Variants in TTLL4 observed in about 807,000 individuals in gnomAD.
TTLL4 encodes tubulin monoglutamylase TTLL4.
TTLL4 carries 85 observed loss-of-function variants against 122.7 expected under a neutral mutation model. The ratio of observed to expected loss-of-function variants is 0.69; its 90% CI spans 0.58 to 0.83. The LOEUF is 0.83. Ranked by LOEUF, TTLL4 falls within the 40% of genes least tolerant of loss-of-function variation. The probability of loss-of-function intolerance (pLI) is 0.00; values close to 1 mark genes in which losing one functional copy is unlikely to be tolerated. For missense variants in TTLL4, 1,363 were observed against 1,488.6 expected (o/e 0.92, Z 1.39); for synonymous variants, 553 against 563.0 (o/e 0.98, Z 0.25).
intron 5 of TTLL4, among the ~76,000 whole-genome samples, chr2:218,741,951 A>T (rs924780252): frequency 1.3e-5 from 2 of 152,200 alleles, no homozygotes; most frequent in Non-Finnish European, 2.9e-5. Flanking sequence ...ATTTTCAAGA[A>T]AATGGAAATA....
Position 218,748,903 on chromosome 2 carries a change from A to T in TTLL4, c.2569A>T (p.Ile857Leu). 1 of 1,614,178 alleles carries T rather than the reference A, an allele frequency of 6.2e-7. No homozygotes were observed. The highest frequency in any genetic ancestry group is 2.2e-5 in the East Asian group (1 of 44,886). ...GVNSDAIWEK[I>L]KDVVVKTIIS... ...CAATAGCGACGCCATCTGGGAGAAG[A>T]TAAAGGATGTTGTTGTCAAAACTAT... Residue 857 changes from isoleucine to leucine, a missense_variant, in exon 13 of 20, where the codon ATA becomes TTA. This residue lies in a region of TTLL4 where 596 missense variants were observed against 655.8 expected (regional missense o/e 0.91). Transcript: ENST00000392102.
chr2:218,757,209 G>A (rs184016231), downstream of TTLL4, among the ~76,000 whole-genome samples: 63 of 152,264 alleles, frequency 4.1e-4, no homozygotes, highest in Admixed American at 3.7e-3. Context: ...GGCAAGAAAC[G>A]TAAAACCCTC....
At chr2:218,728,921 ATT>A (rs1191716175) in intron 2 of TTLL4, among the ~76,000 whole-genome samples, 4 of 69,178 alleles carry the variant, frequency 5.8e-5, no homozygotes, top group Admixed American at 1.7e-4. Context: ...CTGGTGGTCT[ATT>A]TTTTTTTTTT....
intron 1 of TTLL4, among the ~76,000 whole-genome samples, chr2:218,716,392 T>A (rs1003617872): frequency 1.3e-5 from 2 of 152,266 alleles, no homozygotes; most frequent in African/African-American, 4.8e-5. Context: ...ATAATCAACA[T>A]GTTCTGCATG....
intron 16 of TTLL4, 101 bp downstream of exon 16, chr2:218,751,907 T>TTA: frequency 1.5e-6 from 1 of 684,738 alleles, no homozygotes; most frequent in Non-Finnish European, 2.1e-6. Context: ...TTCTTTTCTT[T>TTA]TTCTTTTTTT....
In TTLL4 at chr2:218,738,754, C is replaced by G; in HGVS notation, c.1078C>G (p.Gln360Glu). Residue 360 changes from glutamine to glutamate, a missense_variant, in exon 3 of 20, where the codon CAG (glutamine) becomes GAG (glutamate). Gln to Glu is a conservative substitution (Grantham distance 29). This residue lies in a region of TTLL4 where 760 missense variants were observed against 808.4 expected (regional missense o/e 0.94). Coordinates refer to ENST00000392102, the MANE Select transcript of TTLL4 (RefSeq NM_014640.5). ...GCCGAGGCAAGGCTGCCAGCTTGAA[C>G]AGTCTAGTTTCCTGAACCCCAGCTT... ...KMPRQGCQLEQSSFLNPSFQW... is the reference protein window; with the variant it reads ...KMPRQGCQLEESSFLNPSFQW... 3.1e-6 allele frequency: 5 copies of G among 1,614,130 alleles called. No individual in the cohort carries two copies. Among genetic ancestry groups the G allele is most frequent in the Non-Finnish European group, 4.2e-6 (5 of 1,179,948 alleles).
chr2:218,721,867 A>T (rs544100642), intron 1 of TTLL4, among the ~76,000 whole-genome samples: 1 of 152,286 alleles, frequency 6.6e-6, no homozygotes, highest in Admixed American at 6.5e-5. Flanking sequence ...TCATACCTGT[A>T]ATCTCAGCAC....
rs953489555 is a variant in TTLL4 at position 218,748,243 on chromosome 2, T to C, written c.2501+16T>C. The C allele has an allele frequency of 1.2e-6, 2 of 1,613,672 alleles. No homozygotes were observed. Among genetic ancestry groups the C allele is most frequent in the Non-Finnish European group, 8.5e-7 (1 of 1,179,906 alleles). On this transcript the variant is annotated intron_variant, in intron 12 of 19. Coordinates refer to ENST00000392102, the MANE Select transcript of TTLL4 (RefSeq NM_014640.5). ...GCCACAAATGGTACTGAGGGCAGAG[T>C]GTCCCAGTCCAGTGAAGGCCTAGAG... is the stretch of plus-strand genomic sequence containing the variant.
intron 2 of TTLL4, among the ~76,000 whole-genome samples, chr2:218,737,360 G>C (rs1038190938): frequency 6.6e-6 from 1 of 152,170 alleles, no homozygotes; most frequent in Non-Finnish European, 1.5e-5. Flanking sequence ...CAGTGTTTTA[G>C]TCCGTAATGA....
Position 218,747,735 on chromosome 2 carries a change from A to C in TTLL4, c.2378+10A>C. On this transcript the variant is annotated intron_variant, in intron 11 of 19. Coordinates refer to ENST00000392102, the MANE Select transcript of TTLL4 (RefSeq NM_014640.5). This position sits in a 1 kb window ranked among gnomAD's most constrained non-coding sequence, Gnocchi z 4.7. ...GCTTTGCCAGTTGCAAGTATGTGAC[A>C]GTGGTGAGGTATCCTCTGACAATAT... The C allele has an allele frequency of 6.2e-7, 1 of 1,614,200 alleles. No individual in the cohort carries two copies. Among genetic ancestry groups the C allele is most frequent in the Non-Finnish European group, 8.5e-7 (1 of 1,180,020 alleles).
At chr2:218,752,095 A>G (rs1283608568) in intron 16 of TTLL4, among the ~76,000 whole-genome samples, 1 of 151,754 alleles carries the variant, frequency 6.6e-6, no homozygotes, top group Non-Finnish European at 1.5e-5. Flanking sequence ...TTTAGTAGAG[A>G]TGGGGTTTCT....
intron 2 of TTLL4, among the ~76,000 whole-genome samples, chr2:218,729,255 C>T (rs955970202): frequency 6.6e-6 from 1 of 152,058 alleles, no homozygotes; most frequent in African/African-American, 2.4e-5. Context: ...CTTGATATCA[C>T]TTTTTCCACT....
chr2:218,747,072 C>T lies in TTLL4; in HGVS notation c.2044C>T (p.Gln682Ter). 1.2e-6 allele frequency: 2 copies of T among 1,614,232 alleles called. No homozygotes were observed. The highest frequency in any genetic ancestry group is 8.5e-7 in the Non-Finnish European group (1 of 1,180,036). Reference sequence around the variant, plus strand: ...GCTATGGCGGAACCTGTCACGTATGCAGAGCCGCTTTGGCAAGAAGGAGTT... The same window carrying T: ...GCTATGGCGGAACCTGTCACGTATGTAGAGCCGCTTTGGCAAGAAGGAGTT... ...DRLWRNLSRMQSRFGKKEFSF... is the reference protein window; with the variant it reads ...DRLWRNLSRM The change falls in exon 9 of 20, where the codon CAG (glutamine) becomes TAG (stop). Residue 682 changes from glutamine (Q) to a stop codon, truncating the protein, a stop_gained. Coordinates refer to ENST00000392102, the MANE Select transcript of TTLL4 (RefSeq NM_014640.5). LOFTEE classifies it high-confidence loss of function. This position sits in a 1 kb window ranked among gnomAD's most constrained non-coding sequence, Gnocchi z 4.7.
chr2:218,751,704 C>T lies in TTLL4; in HGVS notation c.2874C>T (p.Ser958=), dbSNP rs760870130. Residue 958 remains serine (S), a splice_region_variant and synonymous_variant, in exon 16 of 20, where the codon AGC becomes AGT. Transcript: ENST00000392102. The stretch of plus-strand genomic sequence containing the variant: ...GCTTTCTTTCTGGCCTCTGCCGTAG[C>T]CTGCCCACCTCCCCTGGGGACAAAT... The part of the protein sequence containing the change: ...SPSSCSSSTT[S]LPTSPGDKCR... 2 of 1,612,520 alleles carry T rather than the reference C, an allele frequency of 1.2e-6. No homozygotes were observed. Among genetic ancestry groups the T allele is most frequent in the Admixed American group, 3.3e-5 (2 of 59,918 alleles).
intron 3 of TTLL4, among the ~76,000 whole-genome samples, 171 bp from the exon 4 acceptor site, chr2:218,739,887 G>A (rs1942649388): frequency 6.6e-6 from 1 of 152,248 alleles, no homozygotes; most frequent in African/African-American, 2.4e-5. Context: ...GAGGAGCTAT[G>A]CCTAGACCTA....
In TTLL4 at chr2:218,710,886, C is replaced by T. The variant is rs1941680782; in HGVS notation, c.-329C>T. The T allele has an allele frequency of 6.6e-6, 1 of 152,500 alleles. No individual in the cohort carries two copies. The highest frequency in any genetic ancestry group is 1.5e-5 in the Non-Finnish European group (1 of 68,310). 9.4% of individuals were successfully genotyped at this position (152,500 alleles called of 1,614,324 possible). ...CGCTGGGGGCGCGCGCGGTGTGTGG[C>T]AGGCGGCAGCGGCGCTGGCGGCCGA... On this transcript the variant is annotated 5_prime_UTR_variant, in exon 1 of 20. Transcript: ENST00000392102.
intron 1 of TTLL4, among the ~76,000 whole-genome samples, chr2:218,724,568 C>T (rs933706687): frequency 1.3e-5 from 2 of 152,106 alleles, no homozygotes; most frequent in Non-Finnish European, 2.9e-5. Flanking sequence ...ATATAATGAC[C>T]TCTAGTTCCA....
At chr2:218,749,594 A>G (rs1404881166) in intron 14 of TTLL4, among the ~76,000 whole-genome samples, 3 of 152,018 alleles carry the variant, frequency 2.0e-5, no homozygotes, top group African/African-American at 4.8e-5. Flanking sequence ...CAGCCTCCCA[A>G]GTAGCTGGGA....
rs775443630 is a variant in TTLL4, at chr2:218,746,193, A to C, written c.1936A>C (p.Lys646Gln). ...GCTGGGCTGCTGGGGTCACCACATG[A>C]AGTCTCCTAGTTTCCGATCCATTCG... ...DWLGCWGHHMKSPSFRSIREH... is the reference protein window; with the variant it reads ...DWLGCWGHHMQSPSFRSIREH... Residue 646 changes from lysine to glutamine, a missense_variant, in exon 8 of 20, where the codon AAG becomes CAG. Physicochemically the swap from Lys to Gln is moderately conservative, Grantham distance 53. This residue lies in a region of TTLL4 where 760 missense variants were observed against 808.4 expected (regional missense o/e 0.94). Transcript: ENST00000392102. 6.2e-7 allele frequency: 1 copy of C among 1,614,058 alleles called. No individual in the cohort carries two copies. Among genetic ancestry groups the C allele is most frequent in the Non-Finnish European group, 8.5e-7 (1 of 1,180,018 alleles).
Sources: allele counts gnomAD v4.1 joint callset (sites outside exome capture counted in the v4.1 genomes callset), GRCh38; gene constraint gnomAD v4.1.1; regional missense constraint gnomAD v4.1.1; non-coding constraint Gnocchi (gnomAD v3.1); transcripts MANE v1.5; gene names NCBI Gene and HGNC (gene_info 2026-07-23, HGNC 2026-07-21).